ZNF324B: variants seen among roughly 807,000 people sequenced by gnomAD.
ZNF324B encodes zinc finger protein 324B.
Under a neutral mutation model 10.6 loss-of-function variants are expected in ZNF324B, and 7 were observed. That is an observed-to-expected ratio of 0.66 (90% confidence interval 0.38 to 1.24). ZNF324B has a LOEUF of 1.24. Ranked by LOEUF, ZNF324B falls within the 50% of genes most tolerant of loss-of-function variation. The pLI is 0.02. For synonymous variants in ZNF324B, 316 were observed against 321.0 expected, an observed-to-expected ratio of 0.98 and a Z score of 0.17; for missense variants, 640 against 764.7, an observed-to-expected ratio of 0.84 and a Z score of 1.92.
chr19:58,455,523 G>A lies in ZNF324B; in HGVS notation c.579G>A (p.Glu193=), dbSNP rs780158069. The change falls in exon 4 of 4, where the codon GAG becomes GAA. Residue 193 remains glutamate (E), a synonymous_variant. Coordinates refer to ENST00000336614, the MANE Select transcript of ZNF324B (RefSeq NM_207395.3). This position sits in a 1 kb window ranked among gnomAD's most constrained non-coding sequence, Gnocchi z 7.0. ...CTGGGAGGCAGCCCAGGACGCCTGA[G>A]CGGCAGAAGCCATGTGCACAGGAGG... The part of the protein sequence containing the change: ...RVPGRQPRTP[E]RQKPCAQEVP... 6.2e-6 allele frequency: 10 copies of A among 1,613,952 alleles called. No homozygotes were observed. Among genetic ancestry groups the A allele is most frequent in the Middle Eastern group, 1.6e-4 (1 of 6,084 alleles).
chr19:58,448,981 G>T (rs1400489688), upstream of ZNF324B, among the ~76,000 whole-genome samples: 1 of 152,226 alleles, frequency 6.6e-6, no homozygotes, highest in Non-Finnish European at 1.5e-5. Context: ...ATATCTCCAG[G>T]ACATGTCAGA....
the ZNF324B span, chr19:58,445,471 T>G: frequency 1.9e-6 from 1 of 518,956 alleles, no homozygotes; most frequent in Non-Finnish European, 3.8e-6. Flanking sequence ...AGAAAAGCCT[T>G]TTGATTATAG....
chr19:58,453,238 A>G (rs749204840), intron 1 of ZNF324B: 12 of 214,386 alleles, frequency 5.6e-5, no homozygotes, highest in Admixed American at 1.0e-4. Context: ...CCAGTCCCTC[A>G]GGCTGGATGA....
chr19:58,419,174 G>T, the ZNF324B span: 1 of 152,174 alleles, frequency 6.6e-6, no homozygotes, highest in Non-Finnish European at 1.5e-5. Flanking sequence ...TTGCGGAAGG[G>T]AATAGTTGGT....
At chr19:58,435,135 G>T in the ZNF324B span, 1 of 1,614,174 alleles carries the variant, frequency 6.2e-7, no homozygotes, top group Non-Finnish European at 8.5e-7. Flanking sequence ...CTGCATTAGG[G>T]ATCCTGACCT....
At chr19:58,437,127 T>C in the ZNF324B span, 1 of 1,614,036 alleles carries the variant, frequency 6.2e-7, no homozygotes. Flanking sequence ...GAGCTCCCAC[T>C]CCTCTTGGGA....
At chr19:58,433,850 G>GA in the ZNF324B span, 1 of 1,614,066 alleles carries the variant, frequency 6.2e-7, no homozygotes, top group Non-Finnish European at 8.5e-7. Flanking sequence ...CTCCAGTGCT[G>GA]AATCAGGCTG....
chr19:58,430,652 C>G, the ZNF324B span: 6 of 152,352 alleles, frequency 3.9e-5, no homozygotes, highest in Admixed American at 2.0e-4. Flanking sequence ...AAGACCATCC[C>G]ACATTCCTTA....
At chr19:58,440,253 C>T in the ZNF324B span, 1 of 235,898 alleles carries the variant, frequency 4.2e-6, no homozygotes, top group Non-Finnish European at 8.4e-6. Context: ...ACGCTATTTC[C>T]CTATGCCCGT....
At chr19:58,436,508 T>C in the ZNF324B span, among the ~76,000 whole-genome samples, 1 of 149,504 alleles carries the variant, frequency 6.7e-6, no homozygotes, top group Non-Finnish European at 1.5e-5. Flanking sequence ...CTACTGAAAA[T>C]ACAAAAAAAA....
chr19:58,449,778 C>T (rs1186580582), upstream of ZNF324B, among the ~76,000 whole-genome samples: 3 of 152,264 alleles, frequency 2.0e-5, no homozygotes, highest in East Asian at 5.8e-4. Context: ...TAGGAAGTGA[C>T]TAACTTGCTT....
chr19:58,454,633 A>G (rs2052895426), intron 3 of ZNF324B: 1 of 561,280 alleles, frequency 1.8e-6, no homozygotes, highest in African/African-American at 1.9e-5. Context: ...TATTTCGCCC[A>G]TCATTTATCT....
Position 58,455,462 on chromosome 19 carries a change from G to A in ZNF324B, c.518G>A (p.Arg173Gln), listed in dbSNP as rs533443934. 5 of 1,614,082 alleles carry A rather than the reference G, an allele frequency of 3.1e-6. No homozygotes were observed. In the Admixed American group the frequency reaches 8.3e-5, roughly 27 times the overall value. The part of the protein sequence containing the change: ...TSPLRPPKSS[R>Q]PREKTFTEYR... ...CCACTCAGGCCCCCCAAGAGCAGCC[G>A]GCCCAGGGAAAAGACCTTCACAGAG... Residue 173 changes from arginine to glutamine, a missense_variant, in exon 4 of 4, where the codon CGG becomes CAG. This residue lies in a region of ZNF324B where 345 missense variants were observed against 387.9 expected (regional missense o/e 0.89). Coordinates refer to ENST00000336614, the MANE Select transcript of ZNF324B (RefSeq NM_207395.3). The surrounding 1 kb of genome is among the most constrained non-coding windows in gnomAD (Gnocchi z 7.0).
chr19:58,448,289 C>T (rs62117597), upstream of ZNF324B, among the ~76,000 whole-genome samples: 1 of 152,140 alleles, frequency 6.6e-6, no homozygotes, highest in African/African-American at 2.4e-5. Flanking sequence ...GCAATGAACT[C>T]CAGGCTGAGG....
chr19:58,440,586 G>C, the ZNF324B span: 2 of 152,474 alleles, frequency 1.3e-5, no homozygotes, highest in Non-Finnish European at 2.9e-5. Context: ...AGGAAGGCAC[G>C]AGAGTCGGGG....
rs1273989550 is a variant in ZNF324B at position 58,455,847 on chromosome 19, G to A, written c.903G>A (p.Thr301=). 4 of 1,613,486 alleles carry A rather than the reference G, an allele frequency of 2.5e-6. No homozygotes were observed. The African/African-American group carries it at 4.0e-5, about 16-fold the overall frequency. The change falls in exon 4 of 4, where the codon ACG becomes ACA. Residue 301 remains threonine (T), a synonymous_variant. Transcript: ENST00000336614. This position sits in a 1 kb window ranked among gnomAD's most constrained non-coding sequence, Gnocchi z 7.0. The part of the protein sequence containing the change: ...GKAFSQTSHL[T]QHQRIHSGET... Reference sequence around the variant, plus strand: ...CCTTCAGCCAGACGTCGCACTTGACGCAGCACCAGCGCATCCACAGCGGCG... The same window carrying A: ...CCTTCAGCCAGACGTCGCACTTGACACAGCACCAGCGCATCCACAGCGGCG...
Position 58,454,379 on chromosome 19 carries a change from C to G in ZNF324B, c.238+35C>G, listed in dbSNP as rs768342944. ...AGCTCAGGTGGGGTGAACTAAGGACCAACCTGTGGCCAAGCCCATGTCCCT... is the reference window on the plus strand; with the variant it reads ...AGCTCAGGTGGGGTGAACTAAGGACGAACCTGTGGCCAAGCCCATGTCCCT... On this transcript the variant is annotated intron_variant, in intron 3 of 3. Coordinates refer to ENST00000336614, the MANE Select transcript of ZNF324B (RefSeq NM_207395.3). The G allele has an allele frequency of 4.3e-6, 6 of 1,380,406 alleles. No individual in the cohort carries two copies. In the African/African-American group the frequency reaches 5.7e-5, roughly 13 times the overall value. The allele number at this position is 1,380,406 out of a possible 1,614,324, so 85.5% of individuals were successfully genotyped here.
the ZNF324B span, among the ~76,000 whole-genome samples, chr19:58,438,281 A>G: frequency 2.0e-5 from 3 of 152,130 alleles, no homozygotes; most frequent in African/African-American, 7.2e-5. Context: ...ACACACAAGC[A>G]TCCATCCCTT....
chr19:58,434,622 CT>C, the ZNF324B span: 10 of 1,614,176 alleles, frequency 6.2e-6, no homozygotes, highest in Non-Finnish European at 8.5e-6. Flanking sequence ...TTGATTTCTC[CT>C]CTAAGAAATT....
Sources: allele counts gnomAD v4.1 joint callset (sites outside exome capture counted in the v4.1 genomes callset), GRCh38; gene constraint gnomAD v4.1.1; regional missense constraint gnomAD v4.1.1; non-coding constraint Gnocchi (gnomAD v3.1); transcripts MANE v1.5; gene names NCBI Gene and HGNC (gene_info 2026-07-23, HGNC 2026-07-21).